ARHGEF37: variants seen among roughly 807,000 people sequenced by gnomAD.
ARHGEF37 encodes the protein Rho guanine nucleotide exchange factor 37.
Under a neutral mutation model 71.1 loss-of-function variants are expected in ARHGEF37, and 55 were observed. The observed-to-expected ratio is 0.77, with a 90% CI of 0.62 to 0.97. The LOEUF is 0.97. ARHGEF37 is among the 50% of genes least tolerant of loss of function. The probability of loss-of-function intolerance (pLI) is 0.00; values close to 1 mark genes in which losing one functional copy is unlikely to be tolerated. For missense variants in ARHGEF37, 765 were observed against 836.8 expected (o/e 0.91, Z 1.06); for synonymous variants, 327 against 350.6 (o/e 0.93, Z 0.75).
chr5:149,628,595 C>G (rs550070801), intron 11 of ARHGEF37, among the ~76,000 whole-genome samples: 1 of 152,136 alleles, frequency 6.6e-6, no homozygotes, highest in Non-Finnish European at 1.5e-5. Context: ...GTCGTCTGTC[C>G]GGTAGGGAAT....
chr5:149,622,208 C>A (rs1752568379), intron 9 of ARHGEF37, 146 bp downstream of exon 9: 10 of 747,630 alleles, frequency 1.3e-5, no homozygotes, highest in Admixed American at 5.9e-5. Flanking sequence ...GCAGTGGGAA[C>A]CTTCCAGATC....
chr5:149,592,104 T>A (rs1763424652), intron 1 of ARHGEF37, among the ~76,000 whole-genome samples: 1 of 152,242 alleles, frequency 6.6e-6, no homozygotes, highest in African/African-American at 2.4e-5. Flanking sequence ...GGTTACATCT[T>A]ATTTAAATAT....
chr5:149,593,056 C>T (rs1361914062), intron 1 of ARHGEF37, among the ~76,000 whole-genome samples: 7 of 152,160 alleles, frequency 4.6e-5, no homozygotes, highest in Admixed American at 3.3e-4. Context: ...AGGTGTAAGC[C>T]GCTGTACCCA....
intron 12 of ARHGEF37, among the ~76,000 whole-genome samples, chr5:149,630,802 C>T (rs569890139): frequency 5.9e-5 from 9 of 152,234 alleles, no homozygotes; most frequent in African/African-American, 2.2e-4. Flanking sequence ...TGGGACTCTG[C>T]AGGACTTGCC....
At chr5:149,601,078 C>T (rs1214925083) in intron 2 of ARHGEF37, 30 bp from the exon 3 acceptor site, 1 of 1,598,064 alleles carries the variant, frequency 6.3e-7, no homozygotes, top group Admixed American at 1.7e-5. Context: ...AACTCCCAAC[C>T]ACCTCTCATG....
In ARHGEF37 at chr5:149,616,680, G is replaced by C. The variant is rs771328243; in HGVS notation, c.572G>C (p.Ser191Thr). 3.1e-6 allele frequency: 5 copies of C among 1,614,052 alleles called. No individual in the cohort carries two copies. The highest frequency in any genetic ancestry group is 4.2e-6 in the Non-Finnish European group (5 of 1,179,952). Reference sequence around the variant, plus strand: ...CTGGAGAACACAGTCCCTGATGCCAGTGCCTATCCTGTCCTTCAGAGGGCT... The same window carrying C: ...CTGGAGAACACAGTCCCTGATGCCACTGCCTATCCTGTCCTTCAGAGGGCT... Reference protein sequence around the residue: ...KILENTVPDASAYPVLQRAVS... With the variant: ...KILENTVPDATAYPVLQRAVS... Residue 191 changes from serine (S) to threonine (T), a missense_variant, in exon 5 of 13, where the codon AGT (serine) becomes ACT (threonine). Physicochemically the swap from Ser to Thr is moderately conservative, Grantham distance 58. Coordinates refer to ENST00000333677, the MANE Select transcript of ARHGEF37 (RefSeq NM_001001669.3).
intron 4 of ARHGEF37, among the ~76,000 whole-genome samples, chr5:149,610,501 G>A (rs1396787191): frequency 6.6e-6 from 1 of 152,104 alleles, no homozygotes; most frequent in Non-Finnish European, 1.5e-5. Context: ...AAAAATATCT[G>A]GCTGGCTGTA....
chr5:149,619,833 G>C (rs1047931263), intron 7 of ARHGEF37, among the ~76,000 whole-genome samples: 2 of 152,182 alleles, frequency 1.3e-5, no homozygotes, highest in African/African-American at 4.8e-5. Flanking sequence ...ATTTTGGAAG[G>C]CCGAGGCGGG....
At position 149,632,120 on chromosome 5, in the gene ARHGEF37, G is replaced by A. The variant is rs770007548; in HGVS notation, c.1957G>A (p.Gly653Ser). ...CCTGGTGGAAGTGAATGGACAGAGG[G>A]GTTATGTGCCTTCTGGCTTCTTGGC... ...WSLVEVNGQR[G>S]YVPSGFLARA... Residue 653 changes from glycine to serine, a missense_variant, in exon 13 of 13, where the codon GGT becomes AGT. By Grantham distance (56) the Gly-to-Ser change is moderately conservative. This residue lies in a region of ARHGEF37 where 390 missense variants were observed against 407.4 expected (regional missense o/e 0.96). Transcript: ENST00000333677. 2 of 1,614,278 alleles carry A rather than the reference G, an allele frequency of 1.2e-6. No individual in the cohort carries two copies. The highest frequency in any genetic ancestry group is 4.5e-5 in the East Asian group (2 of 44,890).
At chr5:149,607,060 C>T (rs1763934011) in intron 3 of ARHGEF37, among the ~76,000 whole-genome samples, 1 of 152,156 alleles carries the variant, frequency 6.6e-6, no homozygotes, top group African/African-American at 2.4e-5. Context: ...GCCACCACTC[C>T]TGGCTAATTT....
intron 4 of ARHGEF37, among the ~76,000 whole-genome samples, chr5:149,611,605 G>A (rs952440720): frequency 6.6e-6 from 1 of 152,256 alleles, no homozygotes; most frequent in African/African-American, 2.4e-5. Context: ...CTGGCCATGA[G>A]AGAGCCATCT....
chr5:149,606,231 C>G (rs1763909068), intron 3 of ARHGEF37, among the ~76,000 whole-genome samples: 1 of 152,228 alleles, frequency 6.6e-6, no homozygotes, highest in Non-Finnish European at 1.5e-5. Context: ...GCCAGGCCGT[C>G]TCTGCAGTTG....
chr5:149,621,718 C>A lies in ARHGEF37; in HGVS notation c.1006-15C>A. The stretch of plus-strand genomic sequence containing the variant: ...CACCTCCTTTCCCGACTCCCACGCT[C>A]ATGTCTCCCCACAGAAGCAACGGCT... On this transcript the variant is annotated splice_polypyrimidine_tract_variant and intron_variant, in intron 8 of 12. Transcript: ENST00000333677. 1 of 1,601,242 alleles carries A rather than the reference C, an allele frequency of 6.2e-7. No individual in the cohort carries two copies. Among genetic ancestry groups the A allele is most frequent in the South Asian group, 1.1e-5 (1 of 89,342 alleles).
chr5:149,627,375 A>G, intron 11 of ARHGEF37, 104 bp downstream of exon 11: 1 of 1,326,240 alleles, frequency 7.5e-7, no homozygotes, highest in Non-Finnish European at 1.0e-6. Flanking sequence ...CTGGCTGGGC[A>G]TTCCAGGATG....
At chr5:149,602,528 C>T (rs550072374) in intron 3 of ARHGEF37, among the ~76,000 whole-genome samples, 1 of 151,472 alleles carries the variant, frequency 6.6e-6, no homozygotes, top group Admixed American at 6.6e-5. Context: ...CACTCTGTTG[C>T]CCAGTCTAGA....
Position 149,632,831 on chromosome 5 carries a change from G to A in ARHGEF37, c.*640G>A, listed in dbSNP as rs901500429. The A allele has an allele frequency of 5.8e-5, 9 of 154,482 alleles. No homozygotes were observed. Among genetic ancestry groups the A allele is most frequent in the Admixed American group, 5.1e-4 (8 of 15,612 alleles). 9.6% of individuals were successfully genotyped at this position (154,482 alleles called of 1,614,324 possible). The stretch of plus-strand genomic sequence containing the variant: ...TGGGTGTGACCAAGTCATAGTTCTG[G>A]AATGTGTGTAGGCAAATTCAGAGGC... On this transcript the variant is annotated 3_prime_UTR_variant, in exon 13 of 13. Transcript: ENST00000333677.
chr5:149,598,638 A>G (rs1018214785), intron 2 of ARHGEF37, among the ~76,000 whole-genome samples: 4 of 151,376 alleles, frequency 2.6e-5, no homozygotes, highest in South Asian at 2.1e-4. Context: ...CTTTCCTAGT[A>G]CCAAAAATTG....
At chr5:149,624,899 G>GT (rs1561809517) in intron 10 of ARHGEF37, among the ~76,000 whole-genome samples, 6 of 77,574 alleles carry the variant, frequency 7.7e-5, no homozygotes, top group African/African-American at 3.8e-4. Context: ...AATGCTTTTG[G>GT]GTTTTTTTTT....
Position 149,627,116 on chromosome 5 carries a change from T to G in ARHGEF37, c.1505T>G (p.Leu502Arg). 1.2e-6 allele frequency: 2 copies of G among 1,614,130 alleles called. No homozygotes were observed. The highest frequency in any genetic ancestry group is 1.7e-6 in the Non-Finnish European group (2 of 1,180,020). ...PGSERQVQAL[L>R]SRYGPGKLYQ... ...TCTGAACGCCAGGTGCAGGCTCTCC[T>G]GAGCAGGTATGGCCCTGGGAAGCTG... Residue 502 changes from leucine to arginine, a missense_variant, in exon 11 of 13, where the codon CTG becomes CGG. Leu to Arg is a moderately radical substitution (Grantham distance 102, BLOSUM62 -2). This residue lies in a region of ARHGEF37 where 390 missense variants were observed against 407.4 expected (regional missense o/e 0.96). Coordinates refer to ENST00000333677, the MANE Select transcript of ARHGEF37 (RefSeq NM_001001669.3).
Sources: gnomAD v4.1 joint callset for allele counts (sites outside exome capture counted in the v4.1 genomes callset) on GRCh38, gnomAD v4.1.1 for gene constraint, gnomAD v4.1.1 regional missense constraint, MANE v1.5 for transcripts, NCBI Gene and HGNC (gene_info 2026-07-23, HGNC 2026-07-21) for gene names.